The following PGPEP1L variants were observed in gnomAD, a reference collection of about 807,000 sequenced individuals.
The protein encoded by PGPEP1L is pyroglutamyl-peptidase I like.
Under a neutral mutation model 6.0 loss-of-function variants are expected in PGPEP1L, and 7 were observed. The ratio of observed to expected loss-of-function variants is 1.17; its 90% CI spans 0.66 to 2.19. The LOEUF is 2.19. PGPEP1L is among the 30% of genes most tolerant of loss of function. PGPEP1L has a pLI of 0.00. For synonymous variants in PGPEP1L, 103 were observed against 83.9 expected (o/e 1.23, Z -1.24); for missense variants, 209 against 192.5 (o/e 1.09, Z -0.51).
At chr15:98,997,049 T>C (rs1251529041) in intron 2 of PGPEP1L, among the ~76,000 whole-genome samples, 1 of 152,168 alleles carries the variant, frequency 6.6e-6, no homozygotes, top group African/African-American at 2.4e-5. Context: ...CCAGGAGGCC[T>C]GGCTCTTTTC....
At chr15:98,972,355 A>T (rs1596510840) in intron 2 of PGPEP1L, among the ~76,000 whole-genome samples, 1 of 144,734 alleles carries the variant, frequency 6.9e-6, no homozygotes, top group Non-Finnish European at 1.5e-5. Flanking sequence ...CTCCGTCTCA[A>T]AAATAAATAA....
chr15:99,006,713 G>A (rs540286603), intron 1 of PGPEP1L, among the ~76,000 whole-genome samples: 9 of 152,328 alleles, frequency 5.9e-5, no homozygotes, highest in African/African-American at 2.2e-4. Flanking sequence ...TTCTCAGGGA[G>A]GCTGAAGCGG....
At chr15:99,003,781 A>T (rs2018008617) in intron 2 of PGPEP1L, among the ~76,000 whole-genome samples, 2 of 147,946 alleles carry the variant, frequency 1.4e-5, no homozygotes. Flanking sequence ...ACAGGCTGAC[A>T]AGACAAAGGC....
At chr15:98,994,884 T>A (rs1214273158) in intron 2 of PGPEP1L, among the ~76,000 whole-genome samples, 6 of 152,266 alleles carry the variant, frequency 3.9e-5, no homozygotes, top group African/African-American at 1.2e-4. Flanking sequence ...TATATTACTC[T>A]ATGTATTCTG....
At chr15:99,002,884 G>A (rs1451637189) in intron 2 of PGPEP1L, among the ~76,000 whole-genome samples, 2 of 152,170 alleles carry the variant, frequency 1.3e-5, no homozygotes, top group Admixed American at 1.3e-4. Context: ...ATTCTTTGAT[G>A]AGGAAAGGGC....
At chr15:99,005,012 G>A (rs1469988778) in intron 2 of PGPEP1L, among the ~76,000 whole-genome samples, 4 of 152,002 alleles carry the variant, frequency 2.6e-5, no homozygotes, top group African/African-American at 7.2e-5. Flanking sequence ...AGCCTTGTGA[G>A]GGCCCTGTGG....
At chr15:98,985,424 G>C (rs1484139776) in intron 2 of PGPEP1L, among the ~76,000 whole-genome samples, 2 of 152,196 alleles carry the variant, frequency 1.3e-5, no homozygotes, top group African/African-American at 4.8e-5. Flanking sequence ...TGTAATCCCA[G>C]CTACTCAGGA....
chr15:98,971,497 AAAAAG>A (rs993854815), intron 2 of PGPEP1L, among the ~76,000 whole-genome samples: 37 of 152,324 alleles, frequency 2.4e-4, no homozygotes, highest in Admixed American at 5.2e-4. Flanking sequence ...CTGTTTCCAA[AAAAAG>A]AAAAGAAAAG....
chr15:98,984,912 C>G (rs925370628), intron 2 of PGPEP1L, among the ~76,000 whole-genome samples: 1 of 152,052 alleles, frequency 6.6e-6, no homozygotes, highest in African/African-American at 2.4e-5. Flanking sequence ...GCAGAGGGTA[C>G]CGGAACCCTG....
At chr15:98,971,314 C>T (rs78744190) in intron 2 of PGPEP1L, among the ~76,000 whole-genome samples, 156 bp from the exon 3 acceptor site, 17,321 of 151,750 alleles carry the variant, frequency 0.11, 1,436 homozygotes, top group East Asian at 0.4. Context: ...GGCAAGGGGC[C>T]AAGAAGAGAG....
Position 98,968,374 on chromosome 15 carries a change from CTCTT to C in PGPEP1L, c.*100_*103del. 2 of 1,183,708 alleles carry C rather than the reference CTCTT, an allele frequency of 1.7e-6. No individual in the cohort carries two copies. The highest frequency in any genetic ancestry group is 2.6e-5 in the East Asian group (1 of 38,988). The allele number at this position is 1,183,708 out of a possible 1,614,324, so 73.3% of individuals were successfully genotyped here. A position where few individuals can be genotyped will look rare whatever the true frequency, so the allele number is the denominator to read the frequency against. ...TTGGGCTAATTCAGAGTTTTCCACC[CTCTT>C]TGTCTTACAAGCAATTTTTGAAAAA... On this transcript the variant is annotated 3_prime_UTR_variant, in exon 5 of 5. Coordinates refer to ENST00000535714, the MANE Select transcript of PGPEP1L (RefSeq NM_001167902.2).
At position 98,968,441 on chromosome 15, in the gene PGPEP1L, G is replaced by C; in HGVS notation, c.*37C>G. The C allele has an allele frequency of 3.8e-6, 6 of 1,585,368 alleles. No homozygotes were observed. Among genetic ancestry groups the C allele is most frequent in the South Asian group, 2.3e-5 (2 of 87,316 alleles). On this transcript the variant is annotated 3_prime_UTR_variant, in exon 5 of 5. Transcript: ENST00000535714. ...ACAGTTGAGTGCTACATACAGGATTGAAACATTCAATTTTCTCTAGAGGAG... is the reference window on the plus strand; with the variant it reads ...ACAGTTGAGTGCTACATACAGGATTCAAACATTCAATTTTCTCTAGAGGAG...
intron 2 of PGPEP1L, among the ~76,000 whole-genome samples, chr15:98,983,305 C>T (rs954744672): frequency 1.1e-4 from 16 of 152,076 alleles, no homozygotes; most frequent in Admixed American, 1.0e-3. Context: ...ATTCACGGCT[C>T]TTTATTCATT....
At chr15:98,981,706 T>C (rs2017666296) in intron 2 of PGPEP1L, among the ~76,000 whole-genome samples, 1 of 152,214 alleles carries the variant, frequency 6.6e-6, no homozygotes, top group African/African-American at 2.4e-5. Flanking sequence ...TCCTACTGGT[T>C]CCGTCATTGT....
At position 98,994,216 on chromosome 15, in the gene PGPEP1L, A is replaced by C. The variant is rs573089225; in HGVS notation, c.-142+11213T>G. ...GGGATGTGGAGGTTGCAGTGAGCCA[A>C]GATCATGCCACTGCACTCCAGCCTG... On this transcript the variant is annotated intron_variant, in intron 2 of 4. Coordinates refer to ENST00000535714, the MANE Select transcript of PGPEP1L (RefSeq NM_001167902.2). 3.3e-5 allele frequency among the ~76,000 whole-genome samples: 5 copies of C among 152,248 alleles called. No homozygotes were observed. The East Asian group carries it at 7.7e-4, about 24-fold the overall frequency.
At chr15:99,005,064 A>AC (rs1452929467) in intron 2 of PGPEP1L, among the ~76,000 whole-genome samples, 1 of 151,160 alleles carries the variant, frequency 6.6e-6, no homozygotes, top group African/African-American at 2.4e-5. Flanking sequence ...ATGAGCCTGC[A>AC]CCCCCAAGGG....
At chr15:98,974,543 A>G (rs1013058787) in intron 2 of PGPEP1L, among the ~76,000 whole-genome samples, 8 of 152,362 alleles carry the variant, frequency 5.3e-5, no homozygotes, top group Non-Finnish European at 8.8e-5. Context: ...TGATGGCTTC[A>G]CTGCTGAATT....
chr15:98,978,495 T>G (rs1199616735), intron 2 of PGPEP1L, among the ~76,000 whole-genome samples: 4 of 152,050 alleles, frequency 2.6e-5, no homozygotes, highest in Non-Finnish European at 5.9e-5. Context: ...ATTTGTACCA[T>G]GGAAGTGGAT....
chr15:98,971,992 A>G (rs2151754289), intron 2 of PGPEP1L, among the ~76,000 whole-genome samples: 1 of 152,336 alleles, frequency 6.6e-6, no homozygotes, highest in East Asian at 1.9e-4. Context: ...ACTTATTATA[A>G]CTATCCAATT....
Sources: gnomAD v4.1 joint callset for allele counts (sites outside exome capture counted in the v4.1 genomes callset) on GRCh38, gnomAD v4.1.1 for gene constraint, MANE v1.5 for transcripts, NCBI Gene and HGNC (gene_info 2026-07-23, HGNC 2026-07-21) for gene names.